MDFIC: variants seen among roughly 807,000 people sequenced by gnomAD.
The protein encoded by MDFIC is myoD family inhibitor domain-containing protein.
In MDFIC, 17 loss-of-function variants were observed where a neutral mutation model predicts 23.2. The ratio of observed to expected loss-of-function variants is 0.73; its 90% CI spans 0.50 to 1.10. MDFIC has a LOEUF of 1.10. MDFIC is among the 50% of genes least tolerant of loss of function. The probability of loss-of-function intolerance (pLI) is 0.00; values close to 1 mark genes in which losing one functional copy is unlikely to be tolerated. For missense variants in MDFIC, 356 were observed against 316.6 expected (o/e 1.12, Z -0.95); for synonymous variants, 120 against 115.2 (o/e 1.04, Z -0.27).
chr7:114,997,672 C>T (rs1446381647), intron 4 of MDFIC, among the ~76,000 whole-genome samples: 1 of 150,848 alleles, frequency 6.6e-6, no homozygotes, highest in Admixed American at 6.6e-5. Flanking sequence ...CACTTGAATC[C>T]AGGAGCCTGA....
intron 2 of MDFIC, among the ~76,000 whole-genome samples, chr7:114,936,482 G>A (rs1250041379): frequency 6.6e-6 from 1 of 151,936 alleles, no homozygotes; most frequent in African/African-American, 2.4e-5. Context: ...TTATAGAAAA[G>A]GTAAAGTGTA....
In MDFIC at chr7:115,015,861, A is replaced by G; in HGVS notation, c.667A>G (p.Met223Val). ...CCCTTGTGATATGGACTGTGGCATCATGGATGCCTGTTGTGAATCATCAGA... is the reference window on the plus strand; with the variant it reads ...CCCTTGTGATATGGACTGTGGCATCGTGGATGCCTGTTGTGAATCATCAGA... ...NCPCDMDCGI[M>V]DACCESSDCL... The change falls in exon 5 of 5, where the codon ATG becomes GTG. Residue 223 changes from methionine (M) to valine (V), a missense_variant. Coordinates refer to ENST00000393486, the MANE Select transcript of MDFIC (RefSeq NM_001166345.3). 6.2e-7 allele frequency: 1 copy of G among 1,613,760 alleles called. No individual in the cohort carries two copies. The highest frequency in any genetic ancestry group is 8.5e-7 in the Non-Finnish European group (1 of 1,179,628).
chr7:114,960,493 C>T (rs193032427), intron 3 of MDFIC, among the ~76,000 whole-genome samples: 11 of 151,996 alleles, frequency 7.2e-5, no homozygotes, highest in South Asian at 4.2e-4. Flanking sequence ...TAAAAAACCC[C>T]GCAAACACAT....
chr7:115,012,936 G>A (rs768486914), intron 4 of MDFIC, among the ~76,000 whole-genome samples: 84 of 152,092 alleles, frequency 5.5e-4, no homozygotes, highest in Non-Finnish European at 9.0e-4. Flanking sequence ...CCAAGATCGC[G>A]CCACTGCACT....
At chr7:115,011,877 G>A (rs73716604) in intron 4 of MDFIC, among the ~76,000 whole-genome samples, 4,428 of 152,198 alleles carry the variant, frequency 0.029, 219 homozygotes, top group African/African-American at 0.099. Flanking sequence ...GGTTTCTTCC[G>A]CCTTTCTGTC....
In MDFIC at chr7:114,924,050, A is replaced by C. The variant is rs570774505; in HGVS notation, c.94+923A>C. Among the ~76,000 whole-genome samples, 3 of 152,336 alleles carry C rather than the reference A, an allele frequency of 2.0e-5. No homozygotes were observed. In the East Asian group the frequency reaches 5.8e-4, roughly 29 times the overall value. On this transcript the variant is annotated intron_variant, in intron 2 of 4. Transcript: ENST00000393486. The stretch of plus-strand genomic sequence containing the variant: ...AAATTGGAGAAGGAGTTAACTTTCA[A>C]GCTGCAATAGGTAAAAGCAGAAAAC...
chr7:114,960,696 G>A (rs930649154), intron 3 of MDFIC, among the ~76,000 whole-genome samples: 5 of 152,084 alleles, frequency 3.3e-5, no homozygotes, highest in African/African-American at 1.2e-4. Flanking sequence ...ATTTTCTGGA[G>A]TTTTTGTTTG....
chr7:114,950,809 A>G (rs1792753162), intron 3 of MDFIC, among the ~76,000 whole-genome samples: 1 of 152,184 alleles, frequency 6.6e-6, no homozygotes, highest in Non-Finnish European at 1.5e-5. Context: ...TTAATCAAAT[A>G]TATCCAACAA....
chr7:114,957,108 G>A (rs995345239), intron 3 of MDFIC, among the ~76,000 whole-genome samples: 1 of 152,124 alleles, frequency 6.6e-6, no homozygotes, highest in Non-Finnish European at 1.5e-5. Flanking sequence ...ATTATAATTT[G>A]CACAGGTAGT....
At chr7:115,006,440 CTCATCATCATCA>C (rs564475573) in intron 4 of MDFIC, among the ~76,000 whole-genome samples, 2 of 151,928 alleles carry the variant, frequency 1.3e-5, no homozygotes, top group Non-Finnish European at 2.9e-5. Context: ...TGTTATTTTA[CTCATCATCATCA>C]TCATCATCAT....
chr7:115,018,966 AAC>A lies in MDFIC; in HGVS notation c.*3035_*3036del, dbSNP rs1242776309. 2 of 151,954 alleles carry A rather than the reference AAC, an allele frequency of 1.3e-5. No homozygotes were observed. Among genetic ancestry groups the A allele is most frequent in the Non-Finnish European group, 1.5e-5 (1 of 67,898 alleles). 9.4% of individuals were successfully genotyped at this position (151,954 alleles called of 1,614,324 possible). A position where few individuals can be genotyped will look rare whatever the true frequency, so the allele number is the denominator to read the frequency against. On this transcript the variant is annotated 3_prime_UTR_variant, in exon 5 of 5. Transcript: ENST00000393486. ...TATGATCATTGACATGTGATTTCAA[AAC>A]ACAGTGTTCTTTTAAAAATCTATAA... is the stretch of plus-strand genomic sequence containing the variant.
chr7:114,923,000 G>A lies in MDFIC; in HGVS notation c.-34G>A, dbSNP rs762082666. 8.0e-6 allele frequency: 12 copies of A among 1,502,398 alleles called. No individual in the cohort carries two copies. Among genetic ancestry groups the A allele is most frequent in the Admixed American group, 2.1e-5 (1 of 46,778 alleles). The allele number at this position is 1,502,398 out of a possible 1,614,324, so 93.1% of individuals were successfully genotyped here. The stretch of plus-strand genomic sequence containing the variant: ...GCCCTGCCGGGCGGCGAGCTAGGCG[G>A]CAGCGGCGCGGCGCGGGCTCGGCGG... On this transcript the variant is annotated 5_prime_UTR_variant, in exon 2 of 5. Transcript: ENST00000393486.
rs189031821 is a variant in MDFIC at position 114,972,953 on chromosome 7, C to G, written c.218-6553C>G. Among the ~76,000 whole-genome samples, 308 of 152,148 alleles carry G rather than the reference C, an allele frequency of 2.0e-3. 2 individuals carry two copies. Among genetic ancestry groups the G allele is most frequent in the Non-Finnish European group, 3.6e-3 (245 of 67,974 alleles). ...CTGTAGCTGTGGATTTAGTAGCATTCTTTCTACTACTATTAAGAGATTGTT... is the reference window on the plus strand; with the variant it reads ...CTGTAGCTGTGGATTTAGTAGCATTGTTTCTACTACTATTAAGAGATTGTT... On this transcript the variant is annotated intron_variant, in intron 3 of 4. Transcript: ENST00000393486.
intron 4 of MDFIC, among the ~76,000 whole-genome samples, chr7:115,009,753 A>G: frequency 6.6e-6 from 1 of 152,294 alleles, no homozygotes; most frequent in Middle Eastern, 3.4e-3. Context: ...GGACTCAAAG[A>G]TTTTGTTTGG....
chr7:114,998,377 AACTTT>A (rs142334816), intron 4 of MDFIC, among the ~76,000 whole-genome samples: 1,801 of 152,244 alleles, frequency 0.012, 29 homozygotes, highest in African/African-American at 0.04. Context: ...CATTAGTCTA[AACTTT>A]ACTTTAGCTA....
chr7:114,990,918 C>A lies in MDFIC; in HGVS notation c.493+11137C>A, dbSNP rs567923378. ...TTCTAGTACTAGATCCTTGAGGAAT[C>A]GCCACACTGTTTTCCACAATGGTTG... On this transcript the variant is annotated intron_variant, in intron 4 of 4. Transcript: ENST00000393486. 3.2e-4 allele frequency among the ~76,000 whole-genome samples: 49 copies of A among 152,082 alleles called. 1 individual carries two copies. Among genetic ancestry groups the A allele is most frequent in the African/African-American group, 9.6e-4 (40 of 41,478 alleles).
chr7:114,991,229 T>A (rs528014808), intron 4 of MDFIC, among the ~76,000 whole-genome samples: 1 of 152,268 alleles, frequency 6.6e-6, no homozygotes, highest in South Asian at 2.1e-4. Flanking sequence ...GTTTGGGTTC[T>A]TTGTAGATTC....
chr7:114,922,616 C>A lies in MDFIC; in HGVS notation c.-128C>A, dbSNP rs539121032. 3 of 1,279,252 alleles carry A rather than the reference C, an allele frequency of 2.3e-6. No individual in the cohort carries two copies. The highest frequency in any genetic ancestry group is 9.9e-7 in the Non-Finnish European group (1 of 1,006,278). The allele number at this position is 1,279,252 out of a possible 1,614,324, so 79.2% of individuals were successfully genotyped here. A position where few individuals can be genotyped will look rare whatever the true frequency, so the allele number is the denominator to read the frequency against. On this transcript the variant is annotated 5_prime_UTR_variant, in exon 1 of 5. Coordinates refer to ENST00000393486, the MANE Select transcript of MDFIC (RefSeq NM_001166345.3). ...AGGAGGAGGAGGAAGGGGCTTGGAG[C>A]GACTACGGGGGGATGCGGAGGTAGG...
At chr7:114,992,563 C>A (rs1377616165) in intron 4 of MDFIC, among the ~76,000 whole-genome samples, 5 of 152,030 alleles carry the variant, frequency 3.3e-5, no homozygotes, top group African/African-American at 1.2e-4. Flanking sequence ...GTATGAAGGG[C>A]TGTTTAATTT....
Sources: gnomAD v4.1 joint callset for allele counts (sites outside exome capture counted in the v4.1 genomes callset) on GRCh38, gnomAD v4.1.1 for gene constraint, MANE v1.5 for transcripts, NCBI Gene and HGNC (gene_info 2026-07-23, HGNC 2026-07-21) for gene names.